PAN3: variants seen among roughly 807,000 people sequenced by gnomAD.
PAN3 encodes PAN2-PAN3 deadenylation complex subunit PAN3.
Under a neutral mutation model 96.2 loss-of-function variants are expected in PAN3, and 19 were observed. The observed-to-expected ratio is 0.20, with a 90% CI of 0.14 to 0.29. The LOEUF (loss-of-function observed/expected upper bound fraction) is 0.29, where lower values mean the gene tolerates loss of function less well. Ranked by LOEUF, PAN3 falls within the 10% of genes least tolerant of loss-of-function variation. The probability of loss-of-function intolerance (pLI) is 1.00; values close to 1 mark genes in which losing one functional copy is unlikely to be tolerated. For synonymous variants in PAN3, 433 were observed against 406.6 expected, an observed-to-expected ratio of 1.06 and a Z score of -0.78; for missense variants, 882 against 1,108.1, an observed-to-expected ratio of 0.80 and a Z score of 2.90.
In PAN3 at chr13:28,277,325, C is replaced by T; in HGVS notation, c.2138C>T (p.Ala713Val). Residue 713 changes from alanine (A) to valine (V), a missense_variant, in exon 15 of 19, where the codon GCC becomes GTC. Around this residue, in one of 3 missense-constraint regions of PAN3, gnomAD observed 364 missense variants for 513.6 expected, o/e 0.71. Coordinates refer to ENST00000380958, the MANE Select transcript of PAN3 (RefSeq NM_175854.8). ...AGIQRENLQK[A>V]MELVTINYSS... ...ATTCAGCGAGAGAATTTACAGAAAGCCATGGAACTGGTGACAATCAACTAT... is the reference window on the plus strand; with the variant it reads ...ATTCAGCGAGAGAATTTACAGAAAGTCATGGAACTGGTGACAATCAACTAT... 6.2e-7 allele frequency: 1 copy of T among 1,613,454 alleles called. No homozygotes were observed. Among genetic ancestry groups the T allele is most frequent in the Non-Finnish European group, 8.5e-7 (1 of 1,179,674 alleles).
intron 5 of PAN3, among the ~76,000 whole-genome samples, chr13:28,206,613 C>T (rs1195911868): frequency 1.3e-5 from 2 of 152,152 alleles, no homozygotes. Context: ...TGAGCCACCA[C>T]ACGCGGCCCC....
At chr13:28,211,449 A>G (rs1337974415) in intron 5 of PAN3, among the ~76,000 whole-genome samples, 3 of 152,190 alleles carry the variant, frequency 2.0e-5, no homozygotes, top group Non-Finnish European at 2.9e-5. Flanking sequence ...AGTTAGTTGA[A>G]CTGTGCGTGT....
intron 6 of PAN3, among the ~76,000 whole-genome samples, chr13:28,238,387 A>G (rs898928794): frequency 4.6e-5 from 7 of 152,224 alleles, no homozygotes; most frequent in African/African-American, 1.4e-4. Flanking sequence ...TCAATAAGGC[A>G]TTAAAAACCA....
intron 1 of PAN3, among the ~76,000 whole-genome samples, chr13:28,154,545 A>G (rs967076530): frequency 1.3e-5 from 2 of 152,076 alleles, no homozygotes; most frequent in Non-Finnish European, 2.9e-5. Flanking sequence ...CCCAGGGTGG[A>G]GTACAATGGC....
intron 1 of PAN3, among the ~76,000 whole-genome samples, chr13:28,169,155 A>G (rs1050881196): frequency 2.6e-5 from 4 of 151,236 alleles, no homozygotes; most frequent in Non-Finnish European, 4.4e-5. Flanking sequence ...TCACTCACAT[A>G]TCTTACACTT....
chr13:28,290,774 G>A (rs551227628), intron 18 of PAN3, among the ~76,000 whole-genome samples: 5 of 152,238 alleles, frequency 3.3e-5, no homozygotes, highest in African/African-American at 9.6e-5. Context: ...TTATGTTAGG[G>A]GAAAAACCTT....
chr13:28,210,507 T>C (rs1879901808), intron 5 of PAN3, among the ~76,000 whole-genome samples: 1 of 152,194 alleles, frequency 6.6e-6, no homozygotes, highest in Non-Finnish European at 1.5e-5. Context: ...TTTATTGAGA[T>C]GCTTAAATCG....
intron 5 of PAN3, among the ~76,000 whole-genome samples, chr13:28,208,388 A>T (rs1879620255): frequency 6.6e-6 from 1 of 152,208 alleles, no homozygotes; most frequent in Non-Finnish European, 1.5e-5. Context: ...GGACAGTGAT[A>T]GAATAAACTA....
chr13:28,169,152 C>T (rs1335101119), intron 1 of PAN3, among the ~76,000 whole-genome samples: 2 of 150,022 alleles, frequency 1.3e-5, no homozygotes, highest in Non-Finnish European at 1.5e-5. Context: ...AGGTCACTCA[C>T]ATATCTTACA....
intron 5 of PAN3, among the ~76,000 whole-genome samples, chr13:28,210,571 A>G (rs1429573625): frequency 6.6e-6 from 1 of 152,122 alleles, no homozygotes; most frequent in African/African-American, 2.4e-5. Context: ...GACTAATTTT[A>G]CAATAGTCAT....
At chr13:28,204,709 G>A (rs1219649547) in intron 5 of PAN3, among the ~76,000 whole-genome samples, 3 of 152,154 alleles carry the variant, frequency 2.0e-5, no homozygotes, top group Non-Finnish European at 4.4e-5. Flanking sequence ...TTGAATGAAA[G>A]GTTCTGGGAA....
intron 12 of PAN3, among the ~76,000 whole-genome samples, chr13:28,268,367 T>G (rs1356443010): frequency 6.6e-6 from 1 of 152,172 alleles, no homozygotes; most frequent in Non-Finnish European, 1.5e-5. Context: ...AACAAATGCT[T>G]TTGTTTGAAG....
chr13:28,141,162 G>T (rs1869752645), intron 1 of PAN3, among the ~76,000 whole-genome samples: 1 of 151,666 alleles, frequency 6.6e-6, no homozygotes, highest in Admixed American at 6.6e-5. Context: ...GCGCCACCAC[G>T]ACCGGCTTAT....
At chr13:28,199,200 G>A (rs1878416219) in intron 5 of PAN3, among the ~76,000 whole-genome samples, 1 of 152,126 alleles carries the variant, frequency 6.6e-6, no homozygotes. Flanking sequence ...CTATTTAAGA[G>A]CAGATACAAG....
At chr13:28,165,616 T>C (rs1018669185) in intron 1 of PAN3, among the ~76,000 whole-genome samples, 3 of 152,186 alleles carry the variant, frequency 2.0e-5, no homozygotes, top group African/African-American at 7.2e-5. Flanking sequence ...TCTATAATGA[T>C]TGTTCAATTT....
At chr13:28,228,291 A>G (rs1032863123) in intron 6 of PAN3, among the ~76,000 whole-genome samples, 1 of 152,016 alleles carries the variant, frequency 6.6e-6, no homozygotes, top group African/African-American at 2.4e-5. Context: ...TCTTTTTCTT[A>G]TTCTTACTGC....
At chr13:28,208,705 T>A (rs1321513387) in intron 5 of PAN3, among the ~76,000 whole-genome samples, 2 of 152,208 alleles carry the variant, frequency 1.3e-5, no homozygotes, top group Non-Finnish European at 2.9e-5. Context: ...ATACCTAGTT[T>A]GTAGCAGATG....
At chr13:28,220,177 A>G (rs1593500045) in intron 5 of PAN3, 54 bp from the exon 6 acceptor site, 8 of 1,534,846 alleles carry the variant, frequency 5.2e-6, no homozygotes, top group East Asian at 2.3e-5. Flanking sequence ...AGTAGATTCA[A>G]TGTCTTTTTT....
At chr13:28,253,593 C>G (rs745409730) in intron 6 of PAN3, among the ~76,000 whole-genome samples, 3 of 148,652 alleles carry the variant, frequency 2.0e-5, no homozygotes, top group Non-Finnish European at 4.5e-5. Flanking sequence ...TCTTTCTTTG[C>G]TTTCCTTTTT....
Sources: gnomAD v4.1 joint callset for allele counts (sites outside exome capture counted in the v4.1 genomes callset) on GRCh38, gnomAD v4.1.1 for gene constraint, gnomAD v4.1.1 regional missense constraint, MANE v1.5 for transcripts, NCBI Gene and HGNC (gene_info 2026-07-23, HGNC 2026-07-21) for gene names.